SGCZ: variants seen among roughly 807,000 people sequenced by gnomAD.
SGCZ encodes sarcoglycan zeta.
SGCZ carries 40 observed loss-of-function variants against 41.3 expected under a neutral mutation model. The ratio of observed to expected loss-of-function variants is 0.97; its 90% CI spans 0.75 to 1.26. The LOEUF is 1.26. SGCZ is among the 50% of genes most tolerant of loss of function. The pLI, the probability that SGCZ is intolerant of heterozygous loss-of-function variation, is 0.00. For missense variants in SGCZ, 552 were observed against 369.8 expected (o/e 1.49, Z -4.04); for synonymous variants, 206 against 137.5 (o/e 1.50, Z -3.49).
chr8:14,510,613 G>C (rs969331168), intron 2 of SGCZ, among the ~76,000 whole-genome samples: 1 of 152,078 alleles, frequency 6.6e-6, no homozygotes, highest in Non-Finnish European at 1.5e-5. Context: ...GATTTTGTGA[G>C]TAAAATACAT....
intron 3 of SGCZ, among the ~76,000 whole-genome samples, chr8:14,314,742 T>G (rs1801659282): frequency 6.6e-6 from 1 of 152,164 alleles, no homozygotes; most frequent in African/African-American, 2.4e-5. Flanking sequence ...TTACTTATGT[T>G]TGTATTTACA....
chr8:14,580,583 G>A (rs1329748538), intron 1 of SGCZ, among the ~76,000 whole-genome samples: 1 of 152,096 alleles, frequency 6.6e-6, no homozygotes, highest in Admixed American at 6.5e-5. Context: ...CATTTTCATG[G>A]AGAAAATAAA....
chr8:15,148,589 T>G (rs1799096665), intron 1 of SGCZ, among the ~76,000 whole-genome samples: 1 of 152,208 alleles, frequency 6.6e-6, no homozygotes, highest in Non-Finnish European at 1.5e-5. Flanking sequence ...TCAATTATTT[T>G]TGCTTGATTA....
At chr8:14,584,840 C>T (rs1401163613) in intron 1 of SGCZ, among the ~76,000 whole-genome samples, 1 of 151,984 alleles carries the variant, frequency 6.6e-6, no homozygotes, top group Non-Finnish European at 1.5e-5. Context: ...ATCACAATGA[C>T]AGAGATAAGT....
At chr8:15,221,604 G>A (rs544013523) in intron 1 of SGCZ, among the ~76,000 whole-genome samples, 2 of 152,298 alleles carry the variant, frequency 1.3e-5, no homozygotes, top group African/African-American at 4.8e-5. Context: ...AATCTGTGAA[G>A]ACACTTTTGG....
At chr8:14,879,564 A>G (rs1030182414) in intron 1 of SGCZ, among the ~76,000 whole-genome samples, 4 of 147,422 alleles carry the variant, frequency 2.7e-5, no homozygotes, top group East Asian at 2.0e-4. Context: ...GGCTATGTCA[A>G]TGAGGGGAGA....
chr8:15,082,443 AGTGT>A (rs71209102), intron 1 of SGCZ, among the ~76,000 whole-genome samples: 2 of 149,570 alleles, frequency 1.3e-5, no homozygotes, highest in Non-Finnish European at 3.0e-5. Flanking sequence ...TATATCTCTA[AGTGT>A]GTGTGTGTGT....
At chr8:14,519,903 T>G (rs1010991792) in intron 2 of SGCZ, among the ~76,000 whole-genome samples, 13 of 152,120 alleles carry the variant, frequency 8.5e-5, no homozygotes, top group Admixed American at 3.9e-4. Flanking sequence ...TCTGGTAGAG[T>G]GGTTATGTCG....
chr8:14,853,885 T>C (rs1803441007), intron 1 of SGCZ, among the ~76,000 whole-genome samples: 1 of 151,846 alleles, frequency 6.6e-6, no homozygotes, highest in Admixed American at 6.6e-5. Context: ...CTACAGCTTA[T>C]CCTAAGCCTT....
At chr8:15,097,766 T>C in intron 1 of SGCZ, among the ~76,000 whole-genome samples, 1 of 129,338 alleles carries the variant, frequency 7.7e-6, no homozygotes, top group African/African-American at 3.2e-5. Context: ...ATATATGTGT[T>C]TATATATATA....
chr8:15,204,028 G>T (rs973634873), intron 1 of SGCZ, among the ~76,000 whole-genome samples: 2 of 152,110 alleles, frequency 1.3e-5, no homozygotes, highest in African/African-American at 4.8e-5. Flanking sequence ...TATCACATAT[G>T]AAATAAGAAA....
At chr8:14,293,120 G>T (rs543307868) in intron 3 of SGCZ, among the ~76,000 whole-genome samples, 1 of 152,000 alleles carries the variant, frequency 6.6e-6, no homozygotes, top group South Asian at 2.1e-4. Context: ...AAATGTCCTT[G>T]TAAGCTTAAA....
chr8:14,605,406 A>G (rs1585118639), intron 1 of SGCZ, among the ~76,000 whole-genome samples: 1 of 152,128 alleles, frequency 6.6e-6, no homozygotes, highest in Non-Finnish European at 1.5e-5. Flanking sequence ...TGTGTTACCA[A>G]CAATCGAATT....
At chr8:15,200,417 G>C (rs1028103212) in intron 1 of SGCZ, among the ~76,000 whole-genome samples, 2 of 152,136 alleles carry the variant, frequency 1.3e-5, no homozygotes, top group African/African-American at 4.8e-5. Context: ...AGATGGCCTA[G>C]CTGTCCCACT....
intron 1 of SGCZ, among the ~76,000 whole-genome samples, chr8:14,899,689 A>T (rs963138565): frequency 6.6e-6 from 1 of 152,032 alleles, no homozygotes; most frequent in Non-Finnish European, 1.5e-5. Context: ...GGTTCTTTTG[A>T]CCTCGGGAGG....
chr8:14,226,895 TACTTATG>T (rs757652513), intron 4 of SGCZ, among the ~76,000 whole-genome samples: 4 of 152,136 alleles, frequency 2.6e-5, no homozygotes, highest in South Asian at 2.1e-4. Flanking sequence ...TTAGTCACTA[TACTTATG>T]ACTTATGATT....
intron 2 of SGCZ, among the ~76,000 whole-genome samples, chr8:14,472,079 A>G (rs1211537110): frequency 6.6e-6 from 1 of 152,014 alleles, no homozygotes; most frequent in African/African-American, 2.4e-5. Flanking sequence ...TCAAATAAGA[A>G]ATTTGCTTCT....
intron 2 of SGCZ, among the ~76,000 whole-genome samples, chr8:14,520,340 T>C (rs1303336181): frequency 6.6e-6 from 1 of 152,126 alleles, no homozygotes; most frequent in Non-Finnish European, 1.5e-5. Context: ...CTATTACAAT[T>C]CACAATGGTT....
At chr8:14,856,771 G>T (rs1803557891) in intron 1 of SGCZ, among the ~76,000 whole-genome samples, 1 of 152,122 alleles carries the variant, frequency 6.6e-6, no homozygotes, top group African/African-American at 2.4e-5. Flanking sequence ...TACAAGCACA[G>T]GTTTACGCAG....
Sources: allele counts gnomAD v4.1 joint callset (sites outside exome capture counted in the v4.1 genomes callset), GRCh38; gene constraint gnomAD v4.1.1; transcripts MANE v1.5; gene names NCBI Gene and HGNC (gene_info 2026-07-23, HGNC 2026-07-21).